Variants in ATP8B4 observed in about 807,000 individuals in gnomAD.
The protein encoded by ATP8B4 is probable phospholipid-transporting ATPase IM.
ATP8B4 carries 133 observed loss-of-function variants against 145.6 expected under a neutral mutation model. The ratio of observed to expected loss-of-function variants is 0.91; its 90% CI spans 0.79 to 1.05. The LOEUF (loss-of-function observed/expected upper bound fraction) is 1.05. ATP8B4 is among the 50% of genes least tolerant of loss of function. The pLI, the probability that ATP8B4 is intolerant of heterozygous loss-of-function variation, is 0.00. For missense variants in ATP8B4, 1,458 were observed against 1,425.2 expected, an observed-to-expected ratio of 1.02 and a Z score of -0.37; for synonymous variants, 507 against 492.9, an observed-to-expected ratio of 1.03 and a Z score of -0.38.
At chr15:50,035,019 CT>C (rs2050733766) in intron 6 of ATP8B4, among the ~76,000 whole-genome samples, 1 of 152,172 alleles carries the variant, frequency 6.6e-6, no homozygotes, top group Non-Finnish European at 1.5e-5. Context: ...CCGCTACTTA[CT>C]TTTAAAACAA....
chr15:50,095,615 G>A (rs1205718490), intron 2 of ATP8B4, among the ~76,000 whole-genome samples: 1 of 152,082 alleles, frequency 6.6e-6, no homozygotes, highest in Non-Finnish European at 1.5e-5. Context: ...AAACTAGCCA[G>A]GTGTGGTGGC....
chr15:50,096,875 C>A (rs767266600), intron 2 of ATP8B4, among the ~76,000 whole-genome samples: 2 of 152,150 alleles, frequency 1.3e-5, no homozygotes, highest in Non-Finnish European at 2.9e-5. Context: ...GAAGAGAACT[C>A]ATGAGGAAAC....
Position 50,018,676 on chromosome 15 carries a change from A to C in ATP8B4, c.363-7759T>G, listed in dbSNP as rs989990097. ...AGATTGTCTAATAAAGGATATATTAACTTTCATTTCTCAAGATATTCCAAG... is the reference window on the plus strand; with the variant it reads ...AGATTGTCTAATAAAGGATATATTACCTTTCATTTCTCAAGATATTCCAAG... On this transcript the variant is annotated intron_variant, in intron 6 of 27. Transcript: ENST00000284509. Among the ~76,000 whole-genome samples the C allele has an allele frequency of 2.6e-5, 4 of 152,208 alleles. 1 individual carries two copies. In the South Asian group the frequency reaches 8.3e-4, roughly 32 times the overall value.
At chr15:49,956,788 C>T (rs1439507185) in intron 14 of ATP8B4, among the ~76,000 whole-genome samples, 1 of 152,114 alleles carries the variant, frequency 6.6e-6, no homozygotes. Context: ...CTCAAACAAT[C>T]CTCCCACCTC....
intron 1 of ATP8B4, among the ~76,000 whole-genome samples, chr15:50,178,507 T>A (rs1488174239): frequency 6.6e-6 from 1 of 152,206 alleles, no homozygotes; most frequent in East Asian, 1.9e-4. Context: ...TTTATCTGTT[T>A]GTGAGAATTT....
intron 1 of ATP8B4, among the ~76,000 whole-genome samples, chr15:50,169,167 C>A (rs1367818156): frequency 6.6e-6 from 1 of 152,208 alleles, no homozygotes; most frequent in African/African-American, 2.4e-5. Context: ...AGTCCGTCTC[C>A]ACACTACTAC....
At chr15:49,894,449 G>GT (rs1011283696) in intron 23 of ATP8B4, among the ~76,000 whole-genome samples, 4 of 151,960 alleles carry the variant, frequency 2.6e-5, no homozygotes, top group Non-Finnish European at 5.9e-5. Flanking sequence ...GCTCCTCTGC[G>GT]TAAAAAAAGG....
In ATP8B4 at chr15:50,047,452, G is replaced by A. The variant is rs140005897; in HGVS notation, c.100C>T (p.His34Tyr). 1.9e-6 allele frequency: 3 copies of A among 1,563,800 alleles called. No homozygotes were observed. Among genetic ancestry groups the A allele is most frequent in the Non-Finnish European group, 1.8e-6 (2 of 1,134,654 alleles). Residue 34 changes from histidine to tyrosine, a missense_variant, in exon 4 of 28, where the codon CAC becomes TAC. His to Tyr is a moderately conservative substitution (Grantham distance 83, BLOSUM62 2). Coordinates refer to ENST00000284509, the MANE Select transcript of ATP8B4 (RefSeq NM_024837.4). The part of the protein sequence containing the change: ...EKFQYADNRI[H>Y]TSKYNILTFL... Reference sequence around the variant, plus strand: ...GTGAGAATATTATATTTCGATGTGTGGATACGATTATCCTGGAAAAGAAAT... The same window carrying A: ...GTGAGAATATTATATTTCGATGTGTAGATACGATTATCCTGGAAAAGAAAT...
intron 1 of ATP8B4, among the ~76,000 whole-genome samples, chr15:50,154,926 A>T (rs751132905): frequency 2.6e-5 from 4 of 152,030 alleles, no homozygotes; most frequent in Non-Finnish European, 4.4e-5. Context: ...TTTTATTTGG[A>T]AATGATCCAG....
rs1179681701 is a variant in ATP8B4, at chr15:50,063,297, T to C, written c.87+10830A>G. ...ATGTTCTTCATTGTGTTGTGCTCAG[T>C]ATTTTTATTATTAACTTAGATCAGT... On this transcript the variant is annotated intron_variant, in intron 3 of 27. Coordinates refer to ENST00000284509, the MANE Select transcript of ATP8B4 (RefSeq NM_024837.4). Among the ~76,000 whole-genome samples, 3 of 152,064 alleles carry C rather than the reference T, an allele frequency of 2.0e-5. No individual in the cohort carries two copies. In the East Asian group the frequency reaches 5.8e-4, roughly 29 times the overall value.
chr15:49,897,986 A>C (rs1218923617), intron 22 of ATP8B4, 82 bp downstream of exon 22: 14 of 1,461,502 alleles, frequency 9.6e-6, no homozygotes, highest in Non-Finnish European at 1.2e-5. Flanking sequence ...TTTTAATGCA[A>C]TCTAGTGATT....
At chr15:49,920,644 A>G (rs1312567185) in intron 17 of ATP8B4, among the ~76,000 whole-genome samples, 5 of 152,216 alleles carry the variant, frequency 3.3e-5, no homozygotes, top group African/African-American at 7.2e-5. Flanking sequence ...TCTTCCCCCT[A>G]AACACAGCTG....
At chr15:49,938,374 G>C (rs917875456) in intron 14 of ATP8B4, among the ~76,000 whole-genome samples, 15 of 152,100 alleles carry the variant, frequency 9.9e-5, no homozygotes, top group African/African-American at 3.6e-4. Context: ...CATCTCACAT[G>C]TAGCAACACC....
chr15:50,087,836 T>A (rs1181418970), intron 2 of ATP8B4, among the ~76,000 whole-genome samples: 1 of 152,046 alleles, frequency 6.6e-6, no homozygotes, highest in Non-Finnish European at 1.5e-5. Context: ...AAGTCTCTCT[T>A]TAGAAAATTT....
At chr15:50,128,123 T>C (rs1472493359) in intron 1 of ATP8B4, among the ~76,000 whole-genome samples, 1 of 152,148 alleles carries the variant, frequency 6.6e-6, no homozygotes, top group African/African-American at 2.4e-5. Flanking sequence ...AAGGAATTAA[T>C]ATCACCCCAG....
chr15:49,915,549 TAATAA>T (rs1188466730), intron 20 of ATP8B4, among the ~76,000 whole-genome samples: 1 of 152,120 alleles, frequency 6.6e-6, no homozygotes, highest in Non-Finnish European at 1.5e-5. Context: ...TCTATCCATA[TAATAA>T]AATATCACAT....
At chr15:50,169,786 A>G (rs1264838688) in intron 1 of ATP8B4, among the ~76,000 whole-genome samples, 2 of 152,220 alleles carry the variant, frequency 1.3e-5, no homozygotes, top group African/African-American at 4.8e-5. Flanking sequence ...AAAATGATAC[A>G]AGAAGTGAAG....
chr15:50,141,544 A>C (rs1005377088), intron 1 of ATP8B4, among the ~76,000 whole-genome samples: 3 of 152,174 alleles, frequency 2.0e-5, no homozygotes, highest in Non-Finnish European at 4.4e-5. Context: ...TCACCAAGAG[A>C]CTGATAAGGA....
intron 6 of ATP8B4, among the ~76,000 whole-genome samples, chr15:50,021,304 A>C (rs932295608): frequency 3.3e-5 from 5 of 152,214 alleles, no homozygotes; most frequent in Non-Finnish European, 7.3e-5. Context: ...TACTGTCTAC[A>C]CAGAAGCCAG....
Sources: gnomAD v4.1 joint callset for allele counts (sites outside exome capture counted in the v4.1 genomes callset) on GRCh38, gnomAD v4.1.1 for gene constraint, MANE v1.5 for transcripts, NCBI Gene and HGNC (gene_info 2026-07-23, HGNC 2026-07-21) for gene names.